LINGO2: variants seen among roughly 807,000 people sequenced by gnomAD.
LINGO2 encodes leucine rich repeat and Ig domain containing 2, also known as leucine-rich repeat and immunoglobulin-like domain-containing nogo receptor-interacting protein 2.
LINGO2 carries 14 observed loss-of-function variants against 30.6 expected under a neutral mutation model. The observed-to-expected ratio is 0.46, with a 90% CI of 0.30 to 0.72. LINGO2 has a LOEUF of 0.72. Among genes scored for constraint, LINGO2 ranks in the 30% least tolerant of loss-of-function variants. The pLI, the probability that LINGO2 is intolerant of heterozygous loss-of-function variation, is 0.07. For missense variants in LINGO2, 729 were observed against 751.7 expected, an observed-to-expected ratio of 0.97 and a Z score of 0.35; for synonymous variants, 317 against 288.5, an observed-to-expected ratio of 1.10 and a Z score of -1.00.
At chr9:28,420,783 G>A (rs1249607493) in intron 2 of LINGO2, among the ~76,000 whole-genome samples, 1 of 152,028 alleles carries the variant, frequency 6.6e-6, no homozygotes, top group East Asian at 1.9e-4. Flanking sequence ...TTTGCACAAA[G>A]TAAGATAGCC....
chr9:28,423,116 C>A (rs1408095375), intron 2 of LINGO2, among the ~76,000 whole-genome samples: 1 of 151,884 alleles, frequency 6.6e-6, no homozygotes, highest in African/African-American at 2.4e-5. Context: ...AATGGTTAAA[C>A]AAAAATATGA....
the LINGO2 span, among the ~76,000 whole-genome samples, chr9:29,052,257 C>CAT: frequency 1.3e-5 from 2 of 152,112 alleles, no homozygotes; most frequent in African/African-American, 4.8e-5. Flanking sequence ...TTCACTCATC[C>CAT]ATCTAGCAAC....
chr9:28,665,891 CTT>C (rs35393752), intron 1 of LINGO2, among the ~76,000 whole-genome samples: 21 of 132,422 alleles, frequency 1.6e-4, no homozygotes, highest in Admixed American at 1.5e-4. Context: ...TTTGGTGTTA[CTT>C]TTTTTTTTTT....
At chr9:28,110,347 G>A (rs1826737887) in intron 4 of LINGO2, among the ~76,000 whole-genome samples, 1 of 152,154 alleles carries the variant, frequency 6.6e-6, no homozygotes, top group African/African-American at 2.4e-5. Context: ...AAGATTTCAT[G>A]ACTAAAACAC....
the LINGO2 span, among the ~76,000 whole-genome samples, chr9:29,161,335 C>G: frequency 6.6e-6 from 1 of 152,146 alleles, no homozygotes; most frequent in Admixed American, 6.5e-5. Flanking sequence ...CAGCTATCAC[C>G]CATCCACCCA....
intron 2 of LINGO2, among the ~76,000 whole-genome samples, chr9:28,436,700 G>A (rs1166209207): frequency 2.0e-5 from 3 of 151,966 alleles, no homozygotes; most frequent in East Asian, 3.9e-4. Context: ...CTCGTGATCC[G>A]CCCGCCTTGG....
At chr9:28,918,561 T>A in the LINGO2 span, among the ~76,000 whole-genome samples, 8 of 152,142 alleles carry the variant, frequency 5.3e-5, no homozygotes, top group African/African-American at 1.9e-4. Flanking sequence ...CAATGGAACA[T>A]CTGACTTAGG....
chr9:28,945,260 ATAAAT>A, the LINGO2 span, among the ~76,000 whole-genome samples: 1 of 152,218 alleles, frequency 6.6e-6, no homozygotes, highest in African/African-American at 2.4e-5. Context: ...TGAGGATTTG[ATAAAT>A]TAATATATAT....
intron 4 of LINGO2, among the ~76,000 whole-genome samples, chr9:28,167,149 C>CG (rs1337910966): frequency 2.8e-5 from 4 of 141,782 alleles, no homozygotes; most frequent in African/African-American, 1.0e-4. Context: ...ACCCCCCCCC[C>CG]CCACTTTTCT....
chr9:28,670,521 C>T (rs1212926631), upstream of LINGO2, among the ~76,000 whole-genome samples: 1 of 152,098 alleles, frequency 6.6e-6, no homozygotes, highest in African/African-American at 2.4e-5. Context: ...AAACATCAAA[C>T]CACACAATAG....
chr9:28,410,778 C>T (rs139465209), intron 2 of LINGO2, among the ~76,000 whole-genome samples: 2 of 152,254 alleles, frequency 1.3e-5, no homozygotes, highest in African/African-American at 4.8e-5. Context: ...TGACAATTTA[C>T]TCTGACATCT....
chr9:28,175,177 C>G (rs376390949), intron 4 of LINGO2, among the ~76,000 whole-genome samples: 1 of 152,072 alleles, frequency 6.6e-6, no homozygotes, highest in South Asian at 2.1e-4. Context: ...AGACTGCCAC[C>G]CCAAATACCA....
intron 3 of LINGO2, among the ~76,000 whole-genome samples, chr9:28,320,792 G>A (rs775983854): frequency 1.3e-5 from 2 of 152,090 alleles, no homozygotes; most frequent in Non-Finnish European, 2.9e-5. Context: ...TTGTTTACTT[G>A]CCAACTCCCT....
intron 4 of LINGO2, among the ~76,000 whole-genome samples, chr9:28,208,249 A>C (rs1279198980): frequency 6.6e-6 from 1 of 152,114 alleles, no homozygotes; most frequent in Non-Finnish European, 1.5e-5. Flanking sequence ...CACAAGCCTT[A>C]GGACCAAAAA....
At chr9:28,181,801 C>G (rs1344235903) in intron 4 of LINGO2, among the ~76,000 whole-genome samples, 2 of 151,954 alleles carry the variant, frequency 1.3e-5, no homozygotes, top group Admixed American at 1.3e-4. Context: ...CTTATTTCCT[C>G]AAGCAGTGGT....
the LINGO2 span, among the ~76,000 whole-genome samples, chr9:28,676,624 T>G: frequency 3.6e-4 from 55 of 152,216 alleles, no homozygotes; most frequent in Middle Eastern, 6.8e-3. Context: ...ACATGTGTTG[T>G]TGGTGGTGGT....
chr9:28,648,749 G>GA (rs1827957723), intron 1 of LINGO2, among the ~76,000 whole-genome samples: 1 of 151,820 alleles, frequency 6.6e-6, no homozygotes, highest in Non-Finnish European at 1.5e-5. Context: ...TTCCTCACTT[G>GA]AAAAAAATAA....
At chr9:29,128,309 T>C in the LINGO2 span, among the ~76,000 whole-genome samples, 1 of 152,156 alleles carries the variant, frequency 6.6e-6, no homozygotes, top group East Asian at 1.9e-4. Context: ...TAAGCCTTCC[T>C]TAGAATTTTC....
At chr9:28,691,992 T>A in the LINGO2 span, among the ~76,000 whole-genome samples, 1 of 152,174 alleles carries the variant, frequency 6.6e-6, no homozygotes, top group African/African-American at 2.4e-5. Context: ...TGAAATCTAA[T>A]CTCATCCCTC....
Sources: gnomAD v4.1 joint callset for allele counts (sites outside exome capture counted in the v4.1 genomes callset) on GRCh38, gnomAD v4.1.1 for gene constraint, MANE v1.5 for transcripts, NCBI Gene and HGNC (gene_info 2026-07-23, HGNC 2026-07-21) for gene names.